Variants in NFXL1 observed in about 807,000 individuals in gnomAD.
NFXL1 encodes NF-X1-type zinc finger protein NFXL1.
NFXL1 carries 66 observed loss-of-function variants against 123.3 expected under a neutral mutation model. The observed-to-expected ratio is 0.54, with a 90% confidence interval of 0.44 to 0.66. The LOEUF (loss-of-function observed/expected upper bound fraction) is 0.66. NFXL1 is among the 30% of genes least tolerant of loss of function. NFXL1 has a pLI of 0.00. For missense variants in NFXL1, 944 were observed against 1,125.6 expected, an observed-to-expected ratio of 0.84 and a Z score of 2.31; for synonymous variants, 346 against 360.8, an observed-to-expected ratio of 0.96 and a Z score of 0.46.
rs78999247 is a variant in NFXL1, at chr4:47,864,676, G to A, written c.2247-1761C>T. 5.6e-3 allele frequency among the ~76,000 whole-genome samples: 853 copies of A among 152,274 alleles called. 5 individuals are homozygous for A. The highest frequency in any genetic ancestry group is 0.019 in the African/African-American group (799 of 41,552). On this transcript the variant is annotated intron_variant, in intron 18 of 22. Coordinates refer to ENST00000507489, the MANE Select transcript of NFXL1 (RefSeq NM_001278624.2). The stretch of plus-strand genomic sequence containing the variant: ...TTCTCCATAAAGGCCCAAGAAGATA[G>A]GGTACGAAAAGCTTATGAATAGCTG...
chr4:47,881,882 AG>A (rs1736136243), intron 15 of NFXL1, among the ~76,000 whole-genome samples: 1 of 152,116 alleles, frequency 6.6e-6, no homozygotes, highest in Non-Finnish European at 1.5e-5. Flanking sequence ...TGAGACGGGG[AG>A]GGGAAAAGAA....
chr4:47,899,906 C>T (rs573546060), intron 5 of NFXL1, among the ~76,000 whole-genome samples: 2 of 152,216 alleles, frequency 1.3e-5, no homozygotes, highest in South Asian at 4.2e-4. Context: ...GGCTAGTTAC[C>T]ATGAATTAAA....
In NFXL1 at chr4:47,880,971, A is replaced by G. The variant is rs371961115; in HGVS notation, c.1917-1854T>C. On this transcript the variant is annotated intron_variant, in intron 15 of 22. Coordinates refer to ENST00000507489, the MANE Select transcript of NFXL1 (RefSeq NM_001278624.2). ...GGAAAAGGTAGAGGGAGGAGGGGAT[A>G]AGAGAGATTTGTTAAAAAACAAAAT... 1.7e-4 allele frequency among the ~76,000 whole-genome samples: 26 copies of G among 152,044 alleles called. 1 individual carries two copies. Among genetic ancestry groups the G allele is most frequent in the East Asian group, 9.6e-4 (5 of 5,200 alleles).
At chr4:47,856,967 A>T (rs1734448667) in intron 19 of NFXL1, among the ~76,000 whole-genome samples, 1 of 152,190 alleles carries the variant, frequency 6.6e-6, no homozygotes, top group South Asian at 2.1e-4. Flanking sequence ...ATTTGGCATT[A>T]GCTCACCACT....
At chr4:47,894,458 C>T (rs1421092167) in intron 10 of NFXL1, among the ~76,000 whole-genome samples, 156 bp from the exon 11 acceptor site, 2 of 151,670 alleles carry the variant, frequency 1.3e-5, no homozygotes, top group Admixed American at 6.6e-5. Flanking sequence ...TTTCCTAAAA[C>T]ATTTGCTTAT....
chr4:47,909,567 T>C (rs139126379), intron 3 of NFXL1, among the ~76,000 whole-genome samples: 224 of 152,070 alleles, frequency 1.5e-3, no homozygotes, highest in Middle Eastern at 0.014. Flanking sequence ...GGCATAAATA[T>C]ATATTACTAA....
intron 15 of NFXL1, among the ~76,000 whole-genome samples, chr4:47,882,067 G>T (rs918759177): frequency 2.6e-5 from 4 of 152,074 alleles, no homozygotes; most frequent in African/African-American, 4.8e-5. Flanking sequence ...TACCAATATT[G>T]GTTTCTCAAC....
intron 18 of NFXL1, among the ~76,000 whole-genome samples, chr4:47,867,837 C>T (rs766510316): frequency 5.9e-5 from 9 of 152,152 alleles, no homozygotes; most frequent in Non-Finnish European, 1.0e-4. Flanking sequence ...TTTTATACAA[C>T]TGTAAATGCT....
chr4:47,872,081 T>C (rs1382155242), intron 18 of NFXL1, among the ~76,000 whole-genome samples: 1 of 152,204 alleles, frequency 6.6e-6, no homozygotes, highest in Non-Finnish European at 1.5e-5. Flanking sequence ...GAAGAAAACA[T>C]ACTGGTTTGG....
At chr4:47,856,736 G>C (rs1734437666) in intron 19 of NFXL1, among the ~76,000 whole-genome samples, 1 of 152,130 alleles carries the variant, frequency 6.6e-6, no homozygotes, top group African/African-American at 2.4e-5. Flanking sequence ...TCCTACTATA[G>C]GGCAGAGAAC....
chr4:47,878,683 A>G lies in NFXL1; in HGVS notation c.1939-18T>C. On this transcript the variant is annotated intron_variant, in intron 16 of 22. Transcript: ENST00000507489. ...GGACTCACCTTAAAAAATAAAGGAAATCAGCACAGCACACATTACTCAAAC... is the reference window on the plus strand; with the variant it reads ...GGACTCACCTTAAAAAATAAAGGAAGTCAGCACAGCACACATTACTCAAAC... 1 of 1,507,902 alleles carries G rather than the reference A, an allele frequency of 6.6e-7. No individual in the cohort carries two copies. Among genetic ancestry groups the G allele is most frequent in the African/African-American group, 1.4e-5 (1 of 70,600 alleles). The allele number at this position is 1,507,902 out of a possible 1,614,324, so 93.4% of individuals were successfully genotyped here.
chr4:47,890,329 T>C (rs1736691753), intron 12 of NFXL1, among the ~76,000 whole-genome samples: 1 of 152,038 alleles, frequency 6.6e-6, no homozygotes, highest in African/African-American at 2.4e-5. Context: ...GGGAAAACAA[T>C]ATGGTGTTAT....
At position 47,869,086 on chromosome 4, in the gene NFXL1, G is replaced by A. The variant is rs563556794; in HGVS notation, c.2246+6041C>T. On this transcript the variant is annotated intron_variant, in intron 18 of 22. Coordinates refer to ENST00000507489, the MANE Select transcript of NFXL1 (RefSeq NM_001278624.2). ...AAAGTTTCTTAAAAATTATCCAGGC[G>A]TGGTGGTATGTGCCTGTAGCCCCAG... Among the ~76,000 whole-genome samples, 8 of 152,188 alleles carry A rather than the reference G, an allele frequency of 5.3e-5. No individual in the cohort carries two copies. The East Asian group carries it at 7.7e-4, about 15-fold the overall frequency.
chr4:47,865,502 CAA>C (rs1694526281), intron 18 of NFXL1, among the ~76,000 whole-genome samples: 1 of 52,432 alleles, frequency 1.9e-5, no homozygotes, highest in Non-Finnish European at 3.7e-5. Context: ...AAAAAAAAAA[CAA>C]CTCCTGAGAG....
chr4:47,885,624 T>G lies in NFXL1; in HGVS notation c.1698A>C (p.Glu566Asp). 1 of 1,614,054 alleles carries G rather than the reference T, an allele frequency of 6.2e-7. No individual in the cohort carries two copies. The highest frequency in any genetic ancestry group is 1.3e-5 in the African/African-American group (1 of 75,068). Residue 566 changes from glutamate (E) to aspartate (D), a missense_variant, in exon 14 of 23, where the codon GAA becomes GAC. Around this residue, in one of 4 missense-constraint regions of NFXL1, gnomAD observed 44 missense variants for 90.4 expected, o/e 0.49. Coordinates refer to ENST00000507489, the MANE Select transcript of NFXL1 (RefSeq NM_001278624.2). ...RPPTCHHTSQ[E>D]KHRCHFGSCP... Reference sequence around the variant, plus strand: ...AAGAACCAAAGTGACAGCGATGTTTTTCTTGACTTGTATGATGACAAGTTG... The same window carrying G: ...AAGAACCAAAGTGACAGCGATGTTTGTCTTGACTTGTATGATGACAAGTTG...
intron 11 of NFXL1, among the ~76,000 whole-genome samples, chr4:47,892,527 T>C (rs574226099): frequency 2.0e-5 from 3 of 152,062 alleles, no homozygotes; most frequent in Non-Finnish European, 4.4e-5. Context: ...TTTCAAGAGA[T>C]CACACAAGGC....
At chr4:47,863,934 T>C (rs1005571126) in intron 18 of NFXL1, among the ~76,000 whole-genome samples, 1 of 152,216 alleles carries the variant, frequency 6.6e-6, no homozygotes, top group African/African-American at 2.4e-5. Context: ...TTTCTTACTT[T>C]TCCTATTCTT....
intron 12 of NFXL1, among the ~76,000 whole-genome samples, chr4:47,888,482 T>G (rs1323503720): frequency 6.6e-6 from 1 of 152,166 alleles, no homozygotes; most frequent in African/African-American, 2.4e-5. Flanking sequence ...TTCCACATAC[T>G]TTACATCAAG....
chr4:47,880,807 TAA>T (rs57880960), intron 15 of NFXL1, among the ~76,000 whole-genome samples: 29,869 of 79,450 alleles, frequency 0.38, 4,118 homozygotes, highest in Admixed American at 0.47. Flanking sequence ...AATTAATGAG[TAA>T]AAAAAAAAAA....
Sources: allele counts gnomAD v4.1 joint callset (sites outside exome capture counted in the v4.1 genomes callset), GRCh38; gene constraint gnomAD v4.1.1; regional missense constraint gnomAD v4.1.1; transcripts MANE v1.5; gene names NCBI Gene and HGNC (gene_info 2026-07-23, HGNC 2026-07-21).